Variants in PLA2G4D observed in about 807,000 individuals in gnomAD.
The protein encoded by PLA2G4D is phospholipase A2 group IVD.
In PLA2G4D, 80 loss-of-function variants were observed where a neutral mutation model predicts 94.4. The observed-to-expected ratio is 0.85, with a 90% CI of 0.71 to 1.02. The LOEUF (loss-of-function observed/expected upper bound fraction) is 1.02, where lower values mean the gene tolerates loss of function less well. PLA2G4D is among the 50% of genes least tolerant of loss of function. The pLI is 0.00. For missense variants in PLA2G4D, 1,050 were observed against 1,034.7 expected, an observed-to-expected ratio of 1.01 and a Z score of -0.20; for synonymous variants, 438 against 440.9, an observed-to-expected ratio of 0.99 and a Z score of 0.08.
Position 42,073,392 on chromosome 15 carries a change from A to T in PLA2G4D, c.1318-1000T>A, listed in dbSNP as rs372628586. 2.0e-3 allele frequency among the ~76,000 whole-genome samples: 312 copies of T among 152,320 alleles called. 2 individuals are homozygous for T. The highest frequency in any genetic ancestry group is 7.2e-3 in the African/African-American group (300 of 41,562). The stretch of plus-strand genomic sequence containing the variant: ...TAAGGGAACAGAAAGGCCTCATTCT[A>T]TGCTGAGCTAGAATTGCAAATAGAG... On this transcript the variant is annotated intron_variant, in intron 13 of 19. Coordinates refer to ENST00000290472, the MANE Select transcript of PLA2G4D (RefSeq NM_178034.4).
In PLA2G4D at chr15:42,079,749, G is replaced by A; in HGVS notation, c.1105C>T (p.His369Tyr). 6.3e-7 allele frequency: 1 copy of A among 1,599,338 alleles called. No homozygotes were observed. Among genetic ancestry groups the A allele is most frequent in the Non-Finnish European group, 8.5e-7 (1 of 1,174,666 alleles). ...GISGSTWTMAHLYGDPEWSQR... is the reference protein window; with the variant it reads ...GISGSTWTMAYLYGDPEWSQR... ...GACCACTCAGGGTCCCCGTACAGGT[G>A]GGCCATTGTCCTGGAAGAACGAGGG... Residue 369 changes from histidine (H) to tyrosine (Y), a missense_variant, in exon 13 of 20, where the codon CAC becomes TAC. Coordinates refer to ENST00000290472, the MANE Select transcript of PLA2G4D (RefSeq NM_178034.4).
Position 42,072,293 on chromosome 15 carries a change from C to T in PLA2G4D, c.1417G>A (p.Glu473Lys), listed in dbSNP as rs1437110719. 1.2e-6 allele frequency: 2 copies of T among 1,613,808 alleles called. No homozygotes were observed. Among genetic ancestry groups the T allele is most frequent in the South Asian group, 1.1e-5 (1 of 91,056 alleles). ...LSLNVKENNL[E>K]TLDFKEWVEF... ...ACTGTACCCTTGAAGTCCAGTGTCT[C>T]CAGATTGTTCTCTTTGACATTGAGG... Residue 473 changes from glutamate to lysine, a missense_variant, in exon 14 of 20, where the codon GAG becomes AAG. Coordinates refer to ENST00000290472, the MANE Select transcript of PLA2G4D (RefSeq NM_178034.4).
At chr15:42,072,952 T>A (rs1889857115) in intron 13 of PLA2G4D, among the ~76,000 whole-genome samples, 1 of 152,168 alleles carries the variant, frequency 6.6e-6, no homozygotes, top group African/African-American at 2.4e-5. Flanking sequence ...CCATTGATTA[T>A]TCTTGCCTTC....
intron 7 of PLA2G4D, among the ~76,000 whole-genome samples, 174 bp from the exon 8 acceptor site, chr15:42,083,508 C>T (rs115575887): frequency 0.018 from 2,683 of 152,290 alleles, 77 homozygotes; most frequent in African/African-American, 0.062. Flanking sequence ...CCCCCCATCC[C>T]GGACTCCTGC....
At chr15:42,072,161 T>C (rs1889837039) in intron 14 of PLA2G4D, 114 bp downstream of exon 14, 17 of 1,087,530 alleles carry the variant, frequency 1.6e-5, no homozygotes, top group Non-Finnish European at 2.1e-5. Flanking sequence ...CCACTGCCCT[T>C]CCGGAACATT....
At chr15:42,089,249 G>A (rs1034101778) in intron 1 of PLA2G4D, among the ~76,000 whole-genome samples, 1 of 152,130 alleles carries the variant, frequency 6.6e-6, no homozygotes, top group African/African-American at 2.4e-5. Flanking sequence ...GGAAGTTCTC[G>A]GTGCCCACAA....
chr15:42,068,918 G>T lies in PLA2G4D; in HGVS notation c.2254C>A (p.Leu752Ile). The change falls in exon 20 of 20, where the codon CTC becomes ATC. Residue 752 changes from leucine to isoleucine, a missense_variant. Physicochemically the swap from Leu to Ile is conservative, Grantham distance 5. Coordinates refer to ENST00000290472, the MANE Select transcript of PLA2G4D (RefSeq NM_178034.4). Reference protein sequence around the residue: ...APGVQRSPAELQGGQVDLTGA... With the variant: ...APGVQRSPAEIQGGQVDLTGA... ...GTGAGATCCACTTGGCCACCCTGGA[G>T]CTCTGCGGGGCTGCGCTGGACACCT... The T allele has an allele frequency of 6.2e-7, 1 of 1,611,736 alleles. No homozygotes were observed.
intron 19 of PLA2G4D, among the ~76,000 whole-genome samples, chr15:42,069,238 G>T (rs1889752014): frequency 6.6e-6 from 1 of 152,202 alleles, no homozygotes; most frequent in Admixed American, 6.5e-5. Context: ...AGCCAGAAGG[G>T]GGAAGTCAAC....
chr15:42,089,645 C>T (rs1890215909), intron 1 of PLA2G4D, among the ~76,000 whole-genome samples: 1 of 152,180 alleles, frequency 6.6e-6, no homozygotes, highest in African/African-American at 2.4e-5. Context: ...TCCACCACTG[C>T]CGGCCACAGG....
chr15:42,083,884 G>T, intron 6 of PLA2G4D, 105 bp from the exon 7 acceptor site: 1 of 1,086,548 alleles, frequency 9.2e-7, no homozygotes, highest in South Asian at 1.3e-5. Flanking sequence ...ACACACACAA[G>T]GAGTTGTGTG....
At position 42,085,517 on chromosome 15, in the gene PLA2G4D, C is replaced by T. The variant is rs1890124676; in HGVS notation, c.402G>A (p.Leu134=). ...FSQSPQGEEE[L]DVEFLMEETS... is the part of the protein sequence containing the mutation. ...TTTCTTCCATCAGGAACTCCACATC[C>T]AGCTCCTCCTCTCCCTGAAATCAGA... is the stretch of plus-strand genomic sequence containing the variant. Residue 134 remains leucine (L), a synonymous_variant, in exon 5 of 20, where the codon CTG becomes CTA. Coordinates refer to ENST00000290472, the MANE Select transcript of PLA2G4D (RefSeq NM_178034.4). 12 of 1,614,168 alleles carry T rather than the reference C, an allele frequency of 7.4e-6. No individual in the cohort carries two copies. In the East Asian group the frequency reaches 2.5e-4, roughly 33 times the overall value.
chr15:42,079,499 G>A, intron 13 of PLA2G4D, 38 bp downstream of exon 13: 3 of 1,547,846 alleles, frequency 1.9e-6, no homozygotes, highest in Non-Finnish European at 2.6e-6. Flanking sequence ...CCCCCGCGGT[G>A]CACACACGCG....
At chr15:42,070,918 C>T in intron 17 of PLA2G4D, 35 bp from the exon 18 acceptor site, 1 of 1,594,842 alleles carries the variant, frequency 6.3e-7, no homozygotes, top group Non-Finnish European at 8.5e-7. Flanking sequence ...GAGGCCACCA[C>T]CCTGCCACAG....
intron 5 of PLA2G4D, 149 bp from the exon 6 acceptor site, chr15:42,085,287 G>A: frequency 9.5e-7 from 1 of 1,057,576 alleles, no homozygotes; most frequent in Non-Finnish European, 1.5e-6. Flanking sequence ...GGAGGAGAGG[G>A]GAGGGGAGAG....
In PLA2G4D at chr15:42,086,330, A is replaced by G. The variant is rs1236176023; in HGVS notation, c.270T>C (p.Leu90=). The change falls in exon 4 of 20, where the codon CTT becomes CTC. Residue 90 remains leucine, a synonymous_variant. Coordinates refer to ENST00000290472, the MANE Select transcript of PLA2G4D (RefSeq NM_178034.4). Reference sequence around the variant, plus strand: ...TGACTGAGTCCTCATCATAGATGCTAAGCTCCAGAACATTCTAGGAACCAG... The same window carrying G: ...TGACTGAGTCCTCATCATAGATGCTGAGCTCCAGAACATTCTAGGAACCAG... ...IQSQVKNVLE[L]SIYDEDSVTE... 2 of 1,613,796 alleles carry G rather than the reference A, an allele frequency of 1.2e-6. No individual in the cohort carries two copies. Among genetic ancestry groups the G allele is most frequent in the South Asian group, 2.2e-5 (2 of 91,078 alleles).
At chr15:42,082,531 A>G in intron 8 of PLA2G4D, 142 bp from the exon 9 acceptor site, 1 of 495,326 alleles carries the variant, frequency 2.0e-6, no homozygotes, top group Non-Finnish European at 3.4e-6. Flanking sequence ...TTATAATTAT[A>G]AAATTATAAG....
Position 42,069,925 on chromosome 15 carries a change from C to T in PLA2G4D, c.2214G>A (p.Lys738=). The T allele has an allele frequency of 2.8e-6, 4 of 1,435,692 alleles. No homozygotes were observed. Among genetic ancestry groups the T allele is most frequent in the Non-Finnish European group, 2.7e-6 (3 of 1,095,268 alleles). 88.9% of individuals were successfully genotyped at this position (1,435,692 alleles called of 1,614,324 possible). Residue 738 remains lysine, a synonymous_variant, in exon 19 of 20, where the codon AAG becomes AAA. Transcript: ENST00000290472. ...CTGCCTCACCGGGGGCTGAGTGGTC[C>T]TTGAAGGAGGCATTGACCAGCGGGA... ...LHFPLVNASF[K]DHSAPGVQRS...
At position 42,067,543 on chromosome 15, in the gene PLA2G4D, CA is replaced by C. The variant is rs35927982; in HGVS notation, c.*1171del. ...GACAGAGTGTGATGAGATTCTGTCTCAAAAAAAAAAAAAAAGAAAGAAAAAG... is the reference window on the plus strand; with the variant it reads ...GACAGAGTGTGATGAGATTCTGTCTCAAAAAAAAAAAAAAGAAAGAAAAAG... On this transcript the variant is annotated 3_prime_UTR_variant, in exon 20 of 20. Transcript: ENST00000290472. 737 of 117,740 alleles carry C rather than the reference CA, an allele frequency of 6.3e-3. 9 individuals carry two copies. The highest frequency in any genetic ancestry group is 0.023 in the African/African-American group (659 of 28,398). 7.3% of individuals were successfully genotyped at this position (117,740 alleles called of 1,614,324 possible).
At chr15:42,081,706 C>T (rs1455458517) in intron 10 of PLA2G4D, 91 bp downstream of exon 10, 5 of 1,611,576 alleles carry the variant, frequency 3.1e-6, no homozygotes, top group Admixed American at 1.7e-5. Context: ...AAGAAGCCCT[C>T]TCCTCCAATC....
Sources: allele counts gnomAD v4.1 joint callset (sites outside exome capture counted in the v4.1 genomes callset), GRCh38; gene constraint gnomAD v4.1.1; transcripts MANE v1.5; gene names NCBI Gene and HGNC (gene_info 2026-07-23, HGNC 2026-07-21).